Variants in FGFR1 observed in about 807,000 individuals in gnomAD.
The protein encoded by FGFR1 is fibroblast growth factor receptor 1, also known as FGFR1/PLAG1 fusion.
FGFR1 carries 18 observed loss-of-function variants against 93.7 expected under a neutral mutation model. The ratio of observed to expected loss-of-function variants is 0.19; its 90% CI spans 0.13 to 0.28. FGFR1 has a LOEUF of 0.28. Among genes scored for constraint, FGFR1 ranks in the 10% least tolerant of loss-of-function variants. The pLI is 1.00. For missense variants in FGFR1, 731 were observed against 1,080.4 expected, an observed-to-expected ratio of 0.68 and a Z score of 4.53; for synonymous variants, 448 against 429.3, an observed-to-expected ratio of 1.04 and a Z score of -0.54.
chr8:38,433,315 A>G (rs1586441568), intron 2 of FGFR1, among the ~76,000 whole-genome samples: 1 of 144,208 alleles, frequency 6.9e-6, no homozygotes, highest in African/African-American at 2.6e-5. Flanking sequence ...GATGACAAAG[A>G]CCCTTTTTTT....
intron 1 of FGFR1, among the ~76,000 whole-genome samples, chr8:38,460,465 T>C (rs1486996952): frequency 6.6e-6 from 1 of 151,712 alleles, no homozygotes; most frequent in East Asian, 1.9e-4. Context: ...CATGTTGAGA[T>C]GGTTAAGCTT....
At position 38,421,746 on chromosome 8, in the gene FGFR1, C is replaced by T. The variant is rs372809704; in HGVS notation, c.1081+51G>A. The T allele has an allele frequency of 6.4e-5, 102 of 1,591,328 alleles. No individual in the cohort carries two copies. The African/African-American group carries it at 1.2e-3, about 18-fold the overall frequency. ...CCAAGCCTGGAAATGCATGCTCCCC[C>T]CGTGCCCGTGGCGAGGGCAGGACAT... On this transcript the variant is annotated intron_variant, in intron 8 of 17. Coordinates refer to ENST00000447712, the MANE Select transcript of FGFR1 (RefSeq NM_023110.3).
At chr8:38,432,410 AT>A (rs34918365) in intron 2 of FGFR1, among the ~76,000 whole-genome samples, 8,259 of 135,886 alleles carry the variant, frequency 0.061, 188 homozygotes, top group Middle Eastern at 0.071. Context: ...CTCGGGATAA[AT>A]TTTTTTTTTT....
rs994194873 is a variant in FGFR1 at position 38,462,615 on chromosome 8, CCTTT to C, written c.-88-5085_-88-5082del. ...TGTTATAATGTTATATTTCTTTCTT[CCTTT>C]CTTTTTTTCTTTGAGATGGAGTCTT... On this transcript the variant is annotated intron_variant, in intron 1 of 17. Transcript: ENST00000447712. Among the ~76,000 whole-genome samples, 10 of 151,946 alleles carry C rather than the reference CCTTT, an allele frequency of 6.6e-5. No homozygotes were observed. In the South Asian group the frequency reaches 8.3e-4, roughly 13 times the overall value.
rs376486052 is a variant in FGFR1, at chr8:38,424,453, G to A, written c.936+56C>T. ...CCTGCCCACAGGAACTTGAGCCCCC[G>A]AGACAGTGGTCTCCTTCCCAGTAGA... is the stretch of plus-strand genomic sequence containing the variant. On this transcript the variant is annotated intron_variant, in intron 7 of 17. Coordinates refer to ENST00000447712, the MANE Select transcript of FGFR1 (RefSeq NM_023110.3). This position sits in a 1 kb window ranked among gnomAD's most constrained non-coding sequence, Gnocchi z 4.3. 87 of 1,603,556 alleles carry A rather than the reference G, an allele frequency of 5.4e-5. No homozygotes were observed. The highest frequency in any genetic ancestry group is 8.3e-5 in the Admixed American group (5 of 59,950).
chr8:38,419,388 CTT>C, intron 9 of FGFR1, 143 bp downstream of exon 9: 1 of 768,496 alleles, frequency 1.3e-6, no homozygotes, highest in Non-Finnish European at 2.3e-6. Flanking sequence ...CTCTAGAGCA[CTT>C]AGTTCATGAT....
chr8:38,425,598 T>C (rs17175926), intron 6 of FGFR1, among the ~76,000 whole-genome samples: 109 of 152,334 alleles, frequency 7.2e-4, no homozygotes, highest in African/African-American at 2.4e-3. Flanking sequence ...GTTGCGGTAA[T>C]AGCTCCAAGA....
intron 2 of FGFR1, chr8:38,430,549 G>C (rs1822626443): frequency 6.5e-6 from 1 of 153,988 alleles, no homozygotes; most frequent in South Asian, 2.0e-4. Flanking sequence ...ATGCTGGGGG[G>C]GCAGCCCAAG....
chr8:38,442,798 C>T (rs1458252035), intron 2 of FGFR1, among the ~76,000 whole-genome samples: 1 of 152,176 alleles, frequency 6.6e-6, no homozygotes, highest in East Asian at 1.9e-4. Flanking sequence ...GAGGCTTCAG[C>T]TGTTTCAGGA....
In FGFR1 at chr8:38,417,892, T is replaced by C. The variant is rs2150649870; in HGVS notation, c.1530A>G (p.Lys510=). ...LDKDKPNRVT[K]VAVKMLKSDA... ...TACACTTCAACATCTTCACAGCCAC[T>C]TTGGTCACACGGTTGGGTTTGTCCT... Residue 510 remains lysine (K), a synonymous_variant, in exon 11 of 18, where the codon AAA becomes AAG. Coordinates refer to ENST00000447712, the MANE Select transcript of FGFR1 (RefSeq NM_023110.3). The C allele has an allele frequency of 1.2e-6, 2 of 1,614,194 alleles. No homozygotes were observed. Among genetic ancestry groups the C allele is most frequent in the East Asian group, 4.5e-5 (2 of 44,886 alleles).
rs2150647308 is a variant in FGFR1 at position 38,417,863 on chromosome 8, C to G, written c.1552+7G>C. Reference sequence around the variant, plus strand: ...ATTTTCTTTGCAAGGACAGAAGCATCACTTACACTTCAACATCTTCACAGC... The same window carrying G: ...ATTTTCTTTGCAAGGACAGAAGCATGACTTACACTTCAACATCTTCACAGC... On this transcript the variant is annotated splice_region_variant and intron_variant, in intron 11 of 17. Transcript: ENST00000447712. 6.2e-7 allele frequency: 1 copy of G among 1,614,202 alleles called. No homozygotes were observed. Among genetic ancestry groups the G allele is most frequent in the South Asian group, 1.1e-5 (1 of 91,072 alleles).
At chr8:38,422,793 C>T in intron 7 of FGFR1, 1 of 528,918 alleles carries the variant, frequency 1.9e-6, no homozygotes. Flanking sequence ...TGAGTCCTCA[C>T]ATGGATCCAC....
rs727505371 is a variant in FGFR1, at chr8:38,421,839, TAG to T, written c.1037_1038del (p.Ser346TyrfsTer61). 1 of 1,614,018 alleles carries T rather than the reference TAG, an allele frequency of 6.2e-7. No individual in the cohort carries two copies. The highest frequency in any genetic ancestry group is 8.5e-7 in the Non-Finnish European group (1 of 1,179,990). On this transcript the variant is annotated frameshift_variant, in exon 8 of 18. Transcript: ENST00000447712. LOFTEE classifies it high-confidence loss of function. ...CATGCAGAGTGATGGGAGAGTCCGATAGAGTTACCCGCCAAGCACGTATACTC... is the reference window on the plus strand; with the variant it reads ...CATGCAGAGTGATGGGAGAGTCCGATAGTTACCCGCCAAGCACGTATACTC... ...AGEYTCLAGN[S>X]IGLSHHSAWL...
In FGFR1 at chr8:38,462,902, C is replaced by CT. The variant is rs11364295; in HGVS notation, c.-89+5078dup. On this transcript the variant is annotated intron_variant, in intron 1 of 17. Transcript: ENST00000447712. The stretch of plus-strand genomic sequence containing the variant: ...TACAGGCATGAGCCACTGTGCCTGG[C>CT]TTTTTTTTTTTTTTTTTTTTTAAAC... Among the ~76,000 whole-genome samples, 938 of 114,790 alleles carry CT rather than the reference C, an allele frequency of 8.2e-3. 25 individuals carry two copies. In the East Asian group the frequency reaches 0.1, roughly 13 times the overall value. 75.3% of individuals were successfully genotyped at this position (114,790 alleles called of 152,430 possible).
chr8:38,422,312 C>T lies in FGFR1; in HGVS notation c.937-371G>A, dbSNP rs17175961. The T allele has an allele frequency of 6.9e-4, 310 of 448,042 alleles. 1 individual carries two copies. The highest frequency in any genetic ancestry group is 5.1e-3 in the African/African-American group (260 of 51,162). 27.8% of individuals were successfully genotyped at this position (448,042 alleles called of 1,614,324 possible). A position where few individuals can be genotyped will look rare whatever the true frequency, so the allele number is the denominator to read the frequency against. On this transcript the variant is annotated intron_variant, in intron 7 of 17. Transcript: ENST00000447712. ...CAGAAGGTGAACACAGGAGGGATGG[C>T]GGGGGCTGCAGACACACACATGCAC...
chr8:38,427,531 C>T (rs1160381992), intron 5 of FGFR1, among the ~76,000 whole-genome samples: 4 of 152,198 alleles, frequency 2.6e-5, no homozygotes, highest in East Asian at 1.9e-4. Flanking sequence ...CCGCCCACCT[C>T]GGCCTCCCAA....
Position 38,412,886 on chromosome 8 carries a change from G to A in FGFR1, c.*742C>T, listed in dbSNP as rs1814852536. The A allele has an allele frequency of 4.3e-6, 1 of 233,220 alleles. No individual in the cohort carries two copies. Among genetic ancestry groups the A allele is most frequent in the East Asian group, 6.0e-5 (1 of 16,572 alleles). The allele number at this position is 233,220 out of a possible 1,614,324, so 14.4% of individuals were successfully genotyped here. On this transcript the variant is annotated 3_prime_UTR_variant, in exon 18 of 18. Transcript: ENST00000447712. ...TTGTTTTTAATATATAGCAACTGAT[G>A]CCTCCCAGCCACCAGGAGCATCTTA... is the stretch of plus-strand genomic sequence containing the variant.
chr8:38,414,940 G>C (rs757656065), intron 13 of FGFR1, 39 bp from the exon 14 acceptor site: 7 of 1,586,500 alleles, frequency 4.4e-6, no homozygotes, highest in Non-Finnish European at 6.0e-6. Flanking sequence ...GCGGGGAGGT[G>C]AGGGAGCTGG....
chr8:38,417,174 T>C (rs1323011281), intron 12 of FGFR1, 132 bp downstream of exon 12: 2 of 765,920 alleles, frequency 2.6e-6, no homozygotes, highest in African/African-American at 1.7e-5. Context: ...AGATAACACA[T>C]TTTAAACCTC....
Sources: allele counts gnomAD v4.1 joint callset (sites outside exome capture counted in the v4.1 genomes callset), GRCh38; gene constraint gnomAD v4.1.1; non-coding constraint Gnocchi (gnomAD v3.1); transcripts MANE v1.5; gene names NCBI Gene and HGNC (gene_info 2026-07-23, HGNC 2026-07-21).